SLC36A1: variants seen among roughly 807,000 people sequenced by gnomAD.
SLC36A1 encodes solute carrier family 36 member 1.
In SLC36A1, 30 loss-of-function variants were observed where a neutral mutation model predicts 47.5. The ratio of observed to expected loss-of-function variants is 0.63; its 90% CI spans 0.47 to 0.86. SLC36A1 has a LOEUF of 0.86. Among genes scored for constraint, SLC36A1 ranks in the 40% least tolerant of loss-of-function variants. SLC36A1 has a pLI of 0.00. For missense variants in SLC36A1, 517 were observed against 606.0 expected, an observed-to-expected ratio of 0.85 and a Z score of 1.54; for synonymous variants, 255 against 249.7, an observed-to-expected ratio of 1.02 and a Z score of -0.20.
intron 10 of SLC36A1, among the ~76,000 whole-genome samples, chr5:151,481,419 A>G (rs1758785855): frequency 6.6e-6 from 1 of 152,208 alleles, no homozygotes; most frequent in Admixed American, 6.5e-5. Flanking sequence ...AAATGTATTT[A>G]TGCGCGTTCA....
chr5:151,529,091 A>G, the SLC36A1 span: 1 of 1,129,790 alleles, frequency 8.9e-7, no homozygotes, highest in Non-Finnish European at 1.3e-6. Flanking sequence ...AAACTAATCC[A>G]TGCTCATAGA....
At position 151,488,257 on chromosome 5, in the gene SLC36A1, A is replaced by C. The variant is rs377385654; in HGVS notation, c.*3A>C. ...ATTCCACCTGTGCCTTCATATAGGG[A>C]TCTGGGTTCGTCTCTGCAGCTGCCT... is the stretch of plus-strand genomic sequence containing the variant. On this transcript the variant is annotated 3_prime_UTR_variant, in exon 11 of 11. Transcript: ENST00000243389. 8.7e-6 allele frequency: 14 copies of C among 1,613,460 alleles called. No individual in the cohort carries two copies. The highest frequency in any genetic ancestry group is 2.2e-5 in the East Asian group (1 of 44,860).
chr5:151,496,658 C>T (rs1382354302), downstream of SLC36A1, among the ~76,000 whole-genome samples: 2 of 152,122 alleles, frequency 1.3e-5, no homozygotes, highest in African/African-American at 2.4e-5. Context: ...TGGGTTCAAG[C>T]GATTCTCCTG....
chr5:151,464,396 T>C, intron 3 of SLC36A1, 118 bp from the exon 4 acceptor site: 1 of 800,900 alleles, frequency 1.2e-6, no homozygotes, highest in Non-Finnish European at 2.1e-6. Flanking sequence ...CCCAAAGTTT[T>C]GTCACTGAAA....
chr5:151,539,330 G>A, the SLC36A1 span, among the ~76,000 whole-genome samples: 2 of 152,212 alleles, frequency 1.3e-5, no homozygotes, highest in African/African-American at 4.8e-5. Context: ...GTGTTGCAAG[G>A]TATGTGTCTA....
the SLC36A1 span, chr5:151,545,777 G>T: frequency 6.2e-7 from 1 of 1,614,138 alleles, no homozygotes; most frequent in Non-Finnish European, 8.5e-7. Flanking sequence ...ATCACAAAGG[G>T]GTTGTTGTTT....
the SLC36A1 span, among the ~76,000 whole-genome samples, chr5:151,344,782 A>G: frequency 1.3e-5 from 2 of 152,226 alleles, no homozygotes; most frequent in East Asian, 3.8e-4. Context: ...ATGAAGGCTC[A>G]GAGAGGGGCA....
At chr5:151,405,339 T>C in the SLC36A1 span, among the ~76,000 whole-genome samples, 11 of 144,898 alleles carry the variant, frequency 7.6e-5, no homozygotes, top group African/African-American at 2.7e-4. Flanking sequence ...CTCCCTCTCT[T>C]TCTCTTTTTT....
intron 10 of SLC36A1, among the ~76,000 whole-genome samples, chr5:151,484,321 C>T (rs1454344777): frequency 6.6e-6 from 1 of 152,200 alleles, no homozygotes; most frequent in African/African-American, 2.4e-5. Context: ...TGTGGAGATG[C>T]TTGTGTGGCT....
At chr5:151,365,811 G>A in the SLC36A1 span, among the ~76,000 whole-genome samples, 1 of 152,194 alleles carries the variant, frequency 6.6e-6, no homozygotes, top group South Asian at 2.1e-4. Flanking sequence ...ACAGGGTTCT[G>A]CAGATGATTT....
At chr5:151,384,994 GAGA>G in the SLC36A1 span, among the ~76,000 whole-genome samples, 77 of 94,512 alleles carry the variant, frequency 8.1e-4, no homozygotes, top group Non-Finnish European at 1.3e-3. Context: ...GTGGGTGTGT[GAGA>G]GAGAGAGAGA....
chr5:151,465,965 C>T (rs1036933703), intron 5 of SLC36A1, among the ~76,000 whole-genome samples: 19 of 151,388 alleles, frequency 1.3e-4, no homozygotes, highest in African/African-American at 4.1e-4. Flanking sequence ...AAAAGAACCA[C>T]ATTAAAACTA....
At chr5:151,553,455 C>T in the SLC36A1 span, 5 of 1,413,704 alleles carry the variant, frequency 3.5e-6, no homozygotes, top group Admixed American at 7.5e-5. Flanking sequence ...GCAGCCAGGA[C>T]AGGAACCAGA....
chr5:151,516,871 C>T, the SLC36A1 span, among the ~76,000 whole-genome samples: 23 of 152,090 alleles, frequency 1.5e-4, no homozygotes, highest in South Asian at 1.7e-3. Flanking sequence ...TTTGGGATGC[C>T]GAGGCAGGCG....
chr5:151,469,968 T>C (rs1268560102), intron 7 of SLC36A1, among the ~76,000 whole-genome samples: 1 of 152,202 alleles, frequency 6.6e-6, no homozygotes, highest in Non-Finnish European at 1.5e-5. Context: ...AATGACATTA[T>C]CAATTTAGAT....
At position 151,491,881 on chromosome 5, in the gene SLC36A1, T is replaced by C. The variant is rs565937285; in HGVS notation, c.*3627T>C. 1 of 152,364 alleles carries C rather than the reference T, an allele frequency of 6.6e-6. No homozygotes were observed. The highest frequency in any genetic ancestry group is 1.9e-4 in the East Asian group (1 of 5,190). 9.4% of individuals were successfully genotyped at this position (152,364 alleles called of 1,614,324 possible). On this transcript the variant is annotated 3_prime_UTR_variant, in exon 11 of 11. Coordinates refer to ENST00000243389, the MANE Select transcript of SLC36A1 (RefSeq NM_078483.4). ...GAAGGGGTGTGGTTTGTCTTTGAAATTACGGTTAATACTTTTAGACAGTAA... is the reference window on the plus strand; with the variant it reads ...GAAGGGGTGTGGTTTGTCTTTGAAACTACGGTTAATACTTTTAGACAGTAA...
chr5:151,458,761 G>GT (rs1312251872), intron 1 of SLC36A1, 27 bp from the exon 2 acceptor site: 1 of 1,609,622 alleles, frequency 6.2e-7, no homozygotes, highest in African/African-American at 1.3e-5. Context: ...GCTGCAGGAG[G>GT]TCTTAATGCT....
chr5:151,475,446 T>C (rs542282377), intron 8 of SLC36A1, among the ~76,000 whole-genome samples: 1 of 152,352 alleles, frequency 6.6e-6, no homozygotes, highest in South Asian at 2.1e-4. Flanking sequence ...CACTGCTAGA[T>C]TGACTCTTAG....
At chr5:151,348,109 A>G in the SLC36A1 span, among the ~76,000 whole-genome samples, 1 of 152,182 alleles carries the variant, frequency 6.6e-6, no homozygotes, top group Admixed American at 6.5e-5. Flanking sequence ...TGGAACAAAA[A>G]AGGGACAGTC....
Sources: gnomAD v4.1 joint callset for allele counts (sites outside exome capture counted in the v4.1 genomes callset) on GRCh38, gnomAD v4.1.1 for gene constraint, MANE v1.5 for transcripts, NCBI Gene and HGNC (gene_info 2026-07-23, HGNC 2026-07-21) for gene names.